The following VWA3B variants were observed in gnomAD, a reference collection of about 807,000 sequenced individuals.
VWA3B encodes the protein von Willebrand factor A domain containing 3B, also known as von Willebrand factor A domain-containing protein 3B.
A neutral mutation model predicts 158.3 loss-of-function variants in VWA3B; 138 were observed. The ratio of observed to expected loss-of-function variants is 0.87; its 90% CI spans 0.76 to 1.00. VWA3B has a LOEUF of 1.00. Among genes scored for constraint, VWA3B ranks in the 50% least tolerant of loss-of-function variants. VWA3B has a pLI of 0.00. For synonymous variants in VWA3B, 596 were observed against 587.3 expected (o/e 1.01, Z -0.21); for missense variants, 1,555 against 1,565.1 (o/e 0.99, Z 0.11).
At chr2:98,178,784 AT>A (rs1451138388) in intron 8 of VWA3B, among the ~76,000 whole-genome samples, 1 of 152,040 alleles carries the variant, frequency 6.6e-6, no homozygotes, top group Non-Finnish European at 1.5e-5. Context: ...AGGCATCAGT[AT>A]TTTTTTTAAA....
At chr2:98,161,879 G>A (rs1234762413) in intron 7 of VWA3B, among the ~76,000 whole-genome samples, 1 of 152,072 alleles carries the variant, frequency 6.6e-6, no homozygotes, top group Non-Finnish European at 1.5e-5. Flanking sequence ...GCTAATTTTT[G>A]TATTTTTAGT....
rs183359722 is a variant in VWA3B at position 98,294,055 on chromosome 2, C to T, written c.3157+3433C>T. Among the ~76,000 whole-genome samples, 8 of 151,832 alleles carry T rather than the reference C, an allele frequency of 5.3e-5. No individual in the cohort carries two copies. The South Asian group carries it at 1.0e-3, about 20-fold the overall frequency. ...TAGATTACATTCAGGTTATCATTGC[C>T]GGCCAGAATACTGCCTAAGTGATGT... On this transcript the variant is annotated intron_variant, in intron 23 of 27. Transcript: ENST00000477737.
intron 1 of VWA3B, among the ~76,000 whole-genome samples, chr2:98,091,297 A>G (rs1682274890): frequency 6.6e-6 from 1 of 152,210 alleles, no homozygotes; most frequent in Admixed American, 6.5e-5. Context: ...CAAGTTCTTT[A>G]AATCCTCGAA....
intron 1 of VWA3B, among the ~76,000 whole-genome samples, chr2:98,089,655 T>C (rs1183450137): frequency 1.3e-5 from 2 of 151,886 alleles, no homozygotes; most frequent in Non-Finnish European, 2.9e-5. Flanking sequence ...CCTTCCTTTT[T>C]TTTTTTCCAG....
intron 12 of VWA3B, among the ~76,000 whole-genome samples, chr2:98,195,227 C>CGG (rs1681942513): frequency 6.6e-6 from 1 of 152,150 alleles, no homozygotes; most frequent in Non-Finnish European, 1.5e-5. Flanking sequence ...GTAGGAGGAT[C>CGG]GTTTGAGCCC....
chr2:98,199,583 C>T (rs757188453), intron 12 of VWA3B, among the ~76,000 whole-genome samples: 3 of 152,134 alleles, frequency 2.0e-5, no homozygotes, highest in African/African-American at 7.2e-5. Context: ...AAGGAGGGGG[C>T]CCTGAACTTA....
At chr2:98,258,287 A>G (rs62156736) in intron 21 of VWA3B, among the ~76,000 whole-genome samples, 5,900 of 151,996 alleles carry the variant, frequency 0.039, 170 homozygotes, top group Middle Eastern at 0.075. Flanking sequence ...AAATTAGGAA[A>G]TATGAGTCCT....
chr2:98,089,491 G>A (rs557830318), intron 1 of VWA3B, among the ~76,000 whole-genome samples: 51 of 151,930 alleles, frequency 3.4e-4, no homozygotes, highest in African/African-American at 1.2e-3. Context: ...ACCTGGAGGT[G>A]GGAAAGCAGG....
chr2:98,121,030 A>C (rs1674917621), intron 4 of VWA3B, among the ~76,000 whole-genome samples: 1 of 152,222 alleles, frequency 6.6e-6, no homozygotes, highest in Admixed American at 6.5e-5. Flanking sequence ...TAAAGGACTC[A>C]TTATTAGTGT....
intron 21 of VWA3B, among the ~76,000 whole-genome samples, chr2:98,268,051 G>T (rs1574240518): frequency 6.6e-6 from 1 of 151,862 alleles, no homozygotes; most frequent in Non-Finnish European, 1.5e-5. Context: ...ATAATCAATA[G>T]CTTACCAACC....
At chr2:98,219,113 T>C (rs1004115220) in intron 14 of VWA3B, among the ~76,000 whole-genome samples, 2 of 152,072 alleles carry the variant, frequency 1.3e-5, no homozygotes, top group Non-Finnish European at 2.9e-5. Context: ...AACTCAGCAA[T>C]GCCTAGCACA....
chr2:98,109,785 G>A (rs1204838321), intron 2 of VWA3B, among the ~76,000 whole-genome samples: 1 of 148,284 alleles, frequency 6.7e-6, no homozygotes, highest in Non-Finnish European at 1.5e-5. Flanking sequence ...ATTTAGGGTT[G>A]ATAGTTCTTT....
intron 6 of VWA3B, among the ~76,000 whole-genome samples, chr2:98,132,161 C>A (rs763516210): frequency 3.3e-5 from 5 of 152,206 alleles, no homozygotes; most frequent in Non-Finnish European, 7.3e-5. Context: ...AGCTACCTAA[C>A]GAGGCCATGC....
At chr2:98,241,248 GT>G (rs537722564) in intron 19 of VWA3B, among the ~76,000 whole-genome samples, 3 of 152,206 alleles carry the variant, frequency 2.0e-5, no homozygotes, top group East Asian at 3.9e-4. Context: ...AACAGAGAAT[GT>G]TTGTCATTCC....
chr2:98,206,711 G>A (rs774315605), intron 12 of VWA3B: 1 of 328,614 alleles, frequency 3.0e-6, no homozygotes, highest in African/African-American at 2.2e-5. Context: ...TAGTATCAAA[G>A]TTGTGGATTT....
At chr2:98,194,982 C>T (rs1385458441) in intron 12 of VWA3B, among the ~76,000 whole-genome samples, 2 of 152,194 alleles carry the variant, frequency 1.3e-5, no homozygotes, top group Non-Finnish European at 2.9e-5. Flanking sequence ...AAGGTGAAAT[C>T]ATTTCCTCAG....
intron 2 of VWA3B, among the ~76,000 whole-genome samples, chr2:98,110,749 G>A (rs1411517511): frequency 3.3e-5 from 5 of 152,156 alleles, no homozygotes; most frequent in African/African-American, 2.4e-5. Flanking sequence ...CAGTCTGGCT[G>A]TGTCTCTACC....
rs186611908 is a variant in VWA3B, at chr2:98,203,045, A to C, written c.1737+8553A>C. On this transcript the variant is annotated intron_variant, in intron 12 of 27. Transcript: ENST00000477737. ...ACGGGGTTTCTCCATGTTGGCCAGG[A>C]TGTTCTCGATTTCCTGACTTTGTGA... 2.8e-4 allele frequency among the ~76,000 whole-genome samples: 42 copies of C among 152,094 alleles called. No individual in the cohort carries two copies. In the East Asian group the frequency reaches 2.9e-3, roughly 11 times the overall value.
intron 6 of VWA3B, among the ~76,000 whole-genome samples, chr2:98,130,941 C>A (rs1302748699): frequency 6.6e-6 from 1 of 152,100 alleles, no homozygotes; most frequent in Non-Finnish European, 1.5e-5. Flanking sequence ...ATCTTAAGTC[C>A]CCTCTTCTGG....
Sources: allele counts gnomAD v4.1 joint callset (sites outside exome capture counted in the v4.1 genomes callset), GRCh38; gene constraint gnomAD v4.1.1; transcripts MANE v1.5; gene names NCBI Gene and HGNC (gene_info 2026-07-23, HGNC 2026-07-21).